Variants in XKR9 observed in about 807,000 individuals in gnomAD.
XKR9 encodes XK related 9.
A neutral mutation model predicts 32.0 loss-of-function variants in XKR9; 32 were observed. The observed-to-expected ratio is 1.00, with a 90% confidence interval of 0.76 to 1.34. XKR9 has a LOEUF of 1.34. Among genes scored for constraint, XKR9 ranks in the 40% most tolerant of loss-of-function variants. XKR9 has a pLI of 0.00. For missense variants in XKR9, 546 were observed against 429.7 expected (o/e 1.27, Z -2.39); for synonymous variants, 168 against 143.4 (o/e 1.17, Z -1.22).
At chr8:70,803,635 G>A in the XKR9 span, among the ~76,000 whole-genome samples, 4 of 152,112 alleles carry the variant, frequency 2.6e-5, no homozygotes, top group Non-Finnish European at 4.4e-5. Flanking sequence ...GATTCCTTTA[G>A]AGGTTTGATT....
chr8:70,751,973 T>C (rs1010502837), intron 2 of XKR9, among the ~76,000 whole-genome samples: 1 of 152,232 alleles, frequency 6.6e-6, no homozygotes, highest in African/African-American at 2.4e-5. Flanking sequence ...TTATATCCTA[T>C]TGGTTCTGTT....
the XKR9 span, among the ~76,000 whole-genome samples, chr8:70,899,138 A>G: frequency 2.0e-5 from 3 of 151,484 alleles, no homozygotes; most frequent in East Asian, 5.8e-4. Flanking sequence ...GCTATGTATC[A>G]TTTTTCTGTG....
chr8:70,836,717 G>A, the XKR9 span, among the ~76,000 whole-genome samples: 5 of 151,688 alleles, frequency 3.3e-5, no homozygotes, highest in South Asian at 2.1e-4. Context: ...GGCAAATATC[G>A]AGGCATAGAA....
the XKR9 span, among the ~76,000 whole-genome samples, chr8:71,004,384 G>T: frequency 2.0e-5 from 3 of 152,132 alleles, no homozygotes; most frequent in Non-Finnish European, 2.9e-5. Context: ...GGACACACAG[G>T]TCATTATTTT....
chr8:70,975,020 G>C, the XKR9 span, among the ~76,000 whole-genome samples: 5 of 152,170 alleles, frequency 3.3e-5, no homozygotes, highest in South Asian at 2.1e-4. Flanking sequence ...TGTGTCTTTT[G>C]GCTGCATAGA....
At chr8:70,834,799 A>G in the XKR9 span, among the ~76,000 whole-genome samples, 18 of 152,286 alleles carry the variant, frequency 1.2e-4, no homozygotes, top group South Asian at 3.5e-3. Flanking sequence ...ACCGTAGATC[A>G]AAGCAAAACC....
intron 2 of XKR9, among the ~76,000 whole-genome samples, 169 bp downstream of exon 2, chr8:70,675,068 T>G (rs1469121399): frequency 6.6e-6 from 1 of 152,166 alleles, no homozygotes; most frequent in Non-Finnish European, 1.5e-5. Context: ...TGGAATTGGA[T>G]TGAAACCGTT....
chr8:70,954,795 C>T, the XKR9 span, among the ~76,000 whole-genome samples: 2 of 152,288 alleles, frequency 1.3e-5, no homozygotes, highest in South Asian at 2.1e-4. Flanking sequence ...TGTAGGCAGA[C>T]AACAGTACTG....
In XKR9 at chr8:70,669,478, A is replaced by G. The variant is rs141501310; in HGVS notation, c.-421A>G. 1 of 244,960 alleles carries G rather than the reference A, an allele frequency of 4.1e-6. No homozygotes were observed. Among genetic ancestry groups the G allele is most frequent in the East Asian group, 1.2e-4 (1 of 8,188 alleles). 15.2% of individuals were successfully genotyped at this position (244,960 alleles called of 1,614,324 possible). A position where few individuals can be genotyped will look rare whatever the true frequency, so the allele number is the denominator to read the frequency against. ...CACGGGTTTGTGTCCTAGACAGGCG[A>G]GTGGATCCAAGTGGGCGAGAGACAT... On this transcript the variant is annotated 5_prime_UTR_variant, in exon 1 of 5. Coordinates refer to ENST00000408926, the MANE Select transcript of XKR9 (RefSeq NM_001011720.2).
At chr8:70,913,468 C>T in the XKR9 span, among the ~76,000 whole-genome samples, 2 of 151,798 alleles carry the variant, frequency 1.3e-5, no homozygotes, top group Non-Finnish European at 2.9e-5. Flanking sequence ...AATAATACTC[C>T]CTCTATGTAT....
the XKR9 span, among the ~76,000 whole-genome samples, chr8:70,912,802 T>C: frequency 1.3e-5 from 2 of 151,492 alleles, no homozygotes; most frequent in African/African-American, 4.9e-5. Context: ...GAAGAAGAGG[T>C]AGGTAGTGTC....
chr8:70,841,088 A>G, the XKR9 span, among the ~76,000 whole-genome samples: 1 of 152,182 alleles, frequency 6.6e-6, no homozygotes, highest in Admixed American at 6.5e-5. Context: ...AATCATGTCA[A>G]GACACAAGAT....
chr8:70,766,312 G>C (rs908488467), intron 2 of XKR9, among the ~76,000 whole-genome samples: 1 of 152,096 alleles, frequency 6.6e-6, no homozygotes, highest in African/African-American at 2.4e-5. Context: ...CCTTGAAGAG[G>C]TCCTTTACAT....
the XKR9 span, among the ~76,000 whole-genome samples, chr8:70,899,400 C>T: frequency 6.6e-6 from 1 of 150,598 alleles, no homozygotes; most frequent in Non-Finnish European, 1.5e-5. Context: ...CACTGGGATC[C>T]CTTTTTCCAA....
intron 2 of XKR9, among the ~76,000 whole-genome samples, chr8:70,761,333 T>C (rs1807306131): frequency 6.6e-6 from 1 of 152,198 alleles, no homozygotes; most frequent in Admixed American, 6.5e-5. Flanking sequence ...CCACCAACAG[T>C]GTAAAAGTGT....
At chr8:70,952,882 A>AT in the XKR9 span, among the ~76,000 whole-genome samples, 1 of 152,206 alleles carries the variant, frequency 6.6e-6, no homozygotes. Context: ...ATCTACAGAA[A>AT]TTGAGAACAA....
intron 2 of XKR9, among the ~76,000 whole-genome samples, chr8:70,750,334 G>A (rs1301679897): frequency 1.3e-5 from 2 of 152,174 alleles, no homozygotes; most frequent in Non-Finnish European, 2.9e-5. Flanking sequence ...GAAGTGAATG[G>A]AGTATATTTT....
intron 2 of XKR9, among the ~76,000 whole-genome samples, chr8:70,759,663 G>A (rs1807281177): frequency 6.6e-6 from 1 of 152,144 alleles, no homozygotes; most frequent in Admixed American, 6.5e-5. Context: ...GAGAGGGACT[G>A]CATTCCATGG....
chr8:70,763,573 G>A (rs1807335458), intron 2 of XKR9, among the ~76,000 whole-genome samples: 1 of 152,100 alleles, frequency 6.6e-6, no homozygotes, highest in Non-Finnish European at 1.5e-5. Context: ...CATAAACAAT[G>A]TATATATTCA....
Sources: gnomAD v4.1 joint callset for allele counts (sites outside exome capture counted in the v4.1 genomes callset) on GRCh38, gnomAD v4.1.1 for gene constraint, MANE v1.5 for transcripts, NCBI Gene and HGNC (gene_info 2026-07-23, HGNC 2026-07-21) for gene names.